The following PDCD4 variants were observed in gnomAD, a reference collection of about 807,000 sequenced individuals.
The protein encoded by PDCD4 is programmed cell death 4, also known as programmed cell death protein 4.
In PDCD4, 56 loss-of-function variants were observed where a neutral mutation model predicts 54.0. That is an observed-to-expected ratio of 1.04 (90% confidence interval 0.84 to 1.30). PDCD4 has a LOEUF of 1.30. PDCD4 is among the 50% of genes most tolerant of loss of function. PDCD4 has a pLI of 0.00. For synonymous variants in PDCD4, 186 were observed against 194.8 expected, an observed-to-expected ratio of 0.95 and a Z score of 0.37; for missense variants, 584 against 559.8, an observed-to-expected ratio of 1.04 and a Z score of -0.44.
intron 11 of PDCD4, 131 bp from the exon 12 acceptor site, chr10:110,897,895 CTT>C (rs777450767): frequency 4.0e-4 from 164 of 408,226 alleles, no homozygotes; most frequent in South Asian, 7.7e-4. Context: ...TAGAGGCATG[CTT>C]TTTTTTTTTA....
At position 110,887,659 on chromosome 10, in the gene PDCD4, G is replaced by T. The variant is rs1260254983; in HGVS notation, c.556-6G>T. On this transcript the variant is annotated splice_region_variant and splice_polypyrimidine_tract_variant and intron_variant, in intron 5 of 11. Coordinates refer to ENST00000280154, the MANE Select transcript of PDCD4 (RefSeq NM_014456.5). ...TAAAATGTTTTTAAATTATTTTTTT[G>T]AACAGGAAATGTTAAGAGATTTAAA... 1.9e-6 allele frequency: 3 copies of T among 1,585,958 alleles called. No homozygotes were observed. In the East Asian group the frequency reaches 6.7e-5, roughly 35 times the overall value.
chr10:110,872,169 G>C (rs1469617208), intron 1 of PDCD4, 151 bp downstream of exon 1: 1 of 152,210 alleles, frequency 6.6e-6, no homozygotes, highest in Non-Finnish European at 1.5e-5. Flanking sequence ...GCGGGGGTCC[G>C]GCTGCCTTCT....
chr10:110,873,449 C>T (rs932808554), intron 1 of PDCD4, among the ~76,000 whole-genome samples: 1 of 152,134 alleles, frequency 6.6e-6, no homozygotes, highest in African/African-American at 2.4e-5. Flanking sequence ...GTATATATTT[C>T]GTGGGGGAGT....
chr10:110,884,213 G>A (rs568316071), intron 4 of PDCD4, among the ~76,000 whole-genome samples: 1 of 152,156 alleles, frequency 6.6e-6, no homozygotes, highest in Non-Finnish European at 1.5e-5. Context: ...GCGTGTATCC[G>A]CAATGTATAC....
At chr10:110,890,530 A>G in intron 7 of PDCD4, 26 bp from the exon 8 acceptor site, 1 of 1,438,124 alleles carries the variant, frequency 7.0e-7, no homozygotes, top group South Asian at 1.2e-5. Context: ...CAGCTATCAA[A>G]CTTAAATTTT....
chr10:110,890,451 A>G (rs2295992), intron 7 of PDCD4, 105 bp from the exon 8 acceptor site: 46,117 of 491,114 alleles, frequency 0.094, 3,836 homozygotes, highest in East Asian at 0.29. Flanking sequence ...CTTTTATGTT[A>G]TGTGAAAGAT....
chr10:110,898,345 T>C lies in PDCD4; in HGVS notation c.*257T>C, dbSNP rs1251247168. The C allele has an allele frequency of 3.4e-6, 1 of 293,680 alleles. No individual in the cohort carries two copies. The highest frequency in any genetic ancestry group is 2.2e-5 in the African/African-American group (1 of 46,202). The allele number at this position is 293,680 out of a possible 1,614,324, so 18.2% of individuals were successfully genotyped here. A position where few individuals can be genotyped will look rare whatever the true frequency, so the allele number is the denominator to read the frequency against. ...GAATATTCTAATAAGCTACCTTTTG[T>C]AAGTGCCATGTTTATTATCTAATCA... On this transcript the variant is annotated 3_prime_UTR_variant, in exon 12 of 12. Coordinates refer to ENST00000280154, the MANE Select transcript of PDCD4 (RefSeq NM_014456.5).
chr10:110,884,529 C>T (rs369089873), intron 4 of PDCD4, among the ~76,000 whole-genome samples: 8 of 151,862 alleles, frequency 5.3e-5, no homozygotes, highest in East Asian at 1.9e-4. Context: ...TAATGCTAAT[C>T]GTGAAGGCTT....
chr10:110,893,674 C>T (rs1845789442), intron 8 of PDCD4, among the ~76,000 whole-genome samples: 1 of 151,988 alleles, frequency 6.6e-6, no homozygotes, highest in South Asian at 2.1e-4. Context: ...CATTTTTTGG[C>T]TCTCAGTGCA....
At chr10:110,891,193 C>T (rs1212039627) in intron 8 of PDCD4, among the ~76,000 whole-genome samples, 5 of 151,788 alleles carry the variant, frequency 3.3e-5, no homozygotes, top group South Asian at 2.1e-4. Flanking sequence ...TTGCTTGAGG[C>T]CAGGAGTTTG....
At chr10:110,885,644 A>G (rs1338578773) in intron 5 of PDCD4, among the ~76,000 whole-genome samples, 1 of 151,654 alleles carries the variant, frequency 6.6e-6, no homozygotes, top group Non-Finnish European at 1.5e-5. Flanking sequence ...AATTTATAAA[A>G]TCTGTTTTTA....
intron 1 of PDCD4, 23 bp from the exon 2 acceptor site, chr10:110,875,943 C>G: frequency 9.3e-7 from 1 of 1,070,078 alleles, no homozygotes; most frequent in Non-Finnish European, 1.4e-6. Context: ...TTGAAGCTTT[C>G]TTTTTTTCTT....
chr10:110,881,596 C>A, intron 3 of PDCD4, 61 bp downstream of exon 3: 1 of 1,358,286 alleles, frequency 7.4e-7, no homozygotes, highest in Non-Finnish European at 1.0e-6. Flanking sequence ...TTGTCTGGTT[C>A]TTGTACTACA....
At chr10:110,889,398 T>A (rs578143332) in intron 6 of PDCD4, 135 bp from the exon 7 acceptor site, 61 of 638,204 alleles carry the variant, frequency 9.6e-5, no homozygotes, top group South Asian at 2.8e-4. Context: ...GGTTTTTTTT[T>A]AAAAAAAAAT....
At chr10:110,872,068 C>A (rs1013377743) in intron 1 of PDCD4, 50 bp downstream of exon 1, 2 of 152,484 alleles carry the variant, frequency 1.3e-5, no homozygotes, top group Non-Finnish European at 2.9e-5. Flanking sequence ...TGCGCCCTCT[C>A]CCCCATCCCT....
chr10:110,883,026 T>G lies in PDCD4; in HGVS notation c.370T>G (p.Trp124Gly). 1 of 1,600,936 alleles carries G rather than the reference T, an allele frequency of 6.2e-7. No individual in the cohort carries two copies. The highest frequency in any genetic ancestry group is 8.5e-7 in the Non-Finnish European group (1 of 1,174,130). Residue 124 changes from tryptophan (W) to glycine (G), a missense_variant, in exon 4 of 12, where the codon TGG becomes GGG. Coordinates refer to ENST00000280154, the MANE Select transcript of PDCD4 (RefSeq NM_014456.5). ...AGGTGGTGCAGGAGGCAAAGGTGTC[T>G]GGGGTACACCTGGACAGGTGTATGA... The part of the protein sequence containing the change: ...KKGGAGGKGV[W>G]GTPGQVYDVE...
In PDCD4 at chr10:110,881,160, A is replaced by G. The variant is rs1369532263; in HGVS notation, c.44-73A>G. ...ATGTCATGTGATTCAACCTAATCTA[A>G]CTTACCACTATATCTATAAAACAGT... On this transcript the variant is annotated intron_variant, in intron 2 of 11. Transcript: ENST00000280154. 5 of 1,123,272 alleles carry G rather than the reference A, an allele frequency of 4.5e-6. No homozygotes were observed. In the African/African-American group the frequency reaches 7.8e-5, roughly 17 times the overall value. The allele number at this position is 1,123,272 out of a possible 1,614,324, so 69.6% of individuals were successfully genotyped here. A position where few individuals can be genotyped will look rare whatever the true frequency, so the allele number is the denominator to read the frequency against.
chr10:110,882,635 C>T (rs1047855917), intron 3 of PDCD4, among the ~76,000 whole-genome samples: 8 of 152,096 alleles, frequency 5.3e-5, no homozygotes, highest in Admixed American at 4.6e-4. Flanking sequence ...TAAGCTTTAC[C>T]GGCCCAGAAT....
chr10:110,895,204 G>A (rs1421896117), intron 10 of PDCD4, among the ~76,000 whole-genome samples: 2 of 151,946 alleles, frequency 1.3e-5, no homozygotes, highest in Non-Finnish European at 1.5e-5. Flanking sequence ...TACCTGATAG[G>A]TAATTTTTCA....
Sources: allele counts gnomAD v4.1 joint callset (sites outside exome capture counted in the v4.1 genomes callset), GRCh38; gene constraint gnomAD v4.1.1; transcripts MANE v1.5; gene names NCBI Gene and HGNC (gene_info 2026-07-23, HGNC 2026-07-21).